Variants in NCKAP1 observed in about 807,000 individuals in gnomAD.
NCKAP1 encodes nck-associated protein 1.
Under a neutral mutation model 151.2 loss-of-function variants are expected in NCKAP1, and 21 were observed. The observed-to-expected ratio is 0.14, with a 90% CI of 0.10 to 0.20. The LOEUF is 0.20. Ranked by LOEUF, NCKAP1 falls within the 10% of genes least tolerant of loss-of-function variation. NCKAP1 has a pLI of 1.00. For missense variants in NCKAP1, 933 were observed against 1,352.1 expected (o/e 0.69, Z 4.86); for synonymous variants, 484 against 451.8 (o/e 1.07, Z -0.90).
At chr2:182,942,400 A>G (rs1196282390) in intron 23 of NCKAP1, among the ~76,000 whole-genome samples, 2 of 152,190 alleles carry the variant, frequency 1.3e-5, no homozygotes, top group Non-Finnish European at 2.9e-5. Flanking sequence ...GAAAAGCAAC[A>G]AAGGTAAGTA....
chr2:182,973,098 A>G (rs997823824), intron 15 of NCKAP1, among the ~76,000 whole-genome samples: 162 of 152,314 alleles, frequency 1.1e-3, no homozygotes, highest in African/African-American at 3.8e-3. Flanking sequence ...CCCACTACCC[A>G]GATTTGTTCA....
chr2:182,987,306 C>G (rs1396743474), intron 9 of NCKAP1, among the ~76,000 whole-genome samples: 1 of 151,998 alleles, frequency 6.6e-6, no homozygotes, highest in African/African-American at 2.4e-5. Context: ...ACTCCAACTT[C>G]TATGTTTAAG....
intron 2 of NCKAP1, among the ~76,000 whole-genome samples, chr2:183,015,042 G>C (rs757018279): frequency 8.5e-5 from 13 of 152,160 alleles, no homozygotes; most frequent in African/African-American, 1.2e-4. Flanking sequence ...ATACTTGAAG[G>C]CTATGCTATG....
intron 6 of NCKAP1, among the ~76,000 whole-genome samples, chr2:182,996,070 C>G: frequency 1.3e-5 from 2 of 152,156 alleles, no homozygotes; most frequent in East Asian, 3.9e-4. Context: ...AAGCTTAGGT[C>G]AGAAACTCAT....
chr2:182,912,842 GAGGAAGAAAGGA>G lies in NCKAP1; in HGVS notation c.*12848_*12859del, dbSNP rs908529808. The G allele has an allele frequency of 1.3e-4, 3 of 23,350 alleles. No individual in the cohort carries two copies. Among genetic ancestry groups the G allele is most frequent in the African/African-American group, 2.4e-4 (3 of 12,714 alleles). 1.4% of individuals were successfully genotyped at this position (23,350 alleles called of 1,614,324 possible). A position where few individuals can be genotyped will look rare whatever the true frequency, so the allele number is the denominator to read the frequency against. On this transcript the variant is annotated 3_prime_UTR_variant, in exon 31 of 31. Transcript: ENST00000361354. ...CAGATCTCAAAACCAAAGAAAGATA[GAGGAAGAAAGGA>G]AGGAAGGAAGGAAGGAAGGAAGGAA...
At chr2:183,000,497 T>C (rs924526741) in intron 6 of NCKAP1, among the ~76,000 whole-genome samples, 2 of 151,164 alleles carry the variant, frequency 1.3e-5, no homozygotes, top group East Asian at 2.0e-4. Context: ...AGGAGAGGAA[T>C]AGAAAAGACA....
In NCKAP1 at chr2:182,972,831, A is replaced by G. The variant is rs957777690; in HGVS notation, c.1482+4062T>C. 5.3e-5 allele frequency among the ~76,000 whole-genome samples: 8 copies of G among 152,316 alleles called. No individual in the cohort carries two copies. The East Asian group carries it at 1.5e-3, about 29-fold the overall frequency. On this transcript the variant is annotated intron_variant, in intron 15 of 30. Coordinates refer to ENST00000361354, the MANE Select transcript of NCKAP1 (RefSeq NM_013436.5). ...CAAATGTCACATGTTCTTACTCCTA[A>G]GTGGATGCTAAATAAATTGATCTCA...
chr2:182,995,599 TA>T, intron 7 of NCKAP1, 101 bp downstream of exon 7: 1 of 1,099,054 alleles, frequency 9.1e-7, no homozygotes. Flanking sequence ...CTTCAACTAA[TA>T]AGCTAATGCT....
At chr2:182,935,245 A>T in intron 25 of NCKAP1, 48 bp downstream of exon 25, 1 of 1,239,538 alleles carries the variant, frequency 8.1e-7, no homozygotes, top group Non-Finnish European at 1.1e-6. Context: ...CTGAGAAATT[A>T]AAAGGGATTG....
rs1414476327 is a variant in NCKAP1 at position 182,919,643 on chromosome 2, T to TA, written c.*6058dup. On this transcript the variant is annotated 3_prime_UTR_variant, in exon 31 of 31. Transcript: ENST00000361354. ...TCAGAATGCAAGTGCTTTTTTTTTT[T>TA]AATGTATTATAATTTTTTTTTTTTT... The TA allele has an allele frequency of 2.0e-5, 3 of 151,828 alleles. No individual in the cohort carries two copies. Among genetic ancestry groups the TA allele is most frequent in the Admixed American group, 6.6e-5 (1 of 15,250 alleles). The allele number at this position is 151,828 out of a possible 1,614,324, so 9.4% of individuals were successfully genotyped here.
intron 8 of NCKAP1, among the ~76,000 whole-genome samples, chr2:182,992,416 C>T (rs1244984851): frequency 6.6e-6 from 1 of 152,204 alleles, no homozygotes; most frequent in Admixed American, 6.5e-5. Context: ...CGGCTCATTA[C>T]ACAAACTCAT....
At chr2:182,988,572 T>C (rs1363565221) in intron 9 of NCKAP1, among the ~76,000 whole-genome samples, 1 of 152,178 alleles carries the variant, frequency 6.6e-6, no homozygotes, top group Non-Finnish European at 1.5e-5. Flanking sequence ...ATTATTTAAA[T>C]AAAAACAACA....
rs1216428587 is a variant in NCKAP1, at chr2:182,921,787, A to C, written c.*3915T>G. On this transcript the variant is annotated 3_prime_UTR_variant, in exon 31 of 31. Transcript: ENST00000361354. ...AGTCAAGGACAGCGATGTGTAGGGA[A>C]AGTTTGGTTCATGCAAAAATGAATG... 6.6e-6 allele frequency: 1 copy of C among 152,202 alleles called. No individual in the cohort carries two copies. Among genetic ancestry groups the C allele is most frequent in the African/African-American group, 2.4e-5 (1 of 41,460 alleles). The allele number at this position is 152,202 out of a possible 1,614,324, so 9.4% of individuals were successfully genotyped here. A position where few individuals can be genotyped will look rare whatever the true frequency, so the allele number is the denominator to read the frequency against.
At position 182,917,158 on chromosome 2, in the gene NCKAP1, G is replaced by A. The variant is rs1362535918; in HGVS notation, c.*8544C>T. On this transcript the variant is annotated 3_prime_UTR_variant, in exon 31 of 31. Coordinates refer to ENST00000361354, the MANE Select transcript of NCKAP1 (RefSeq NM_013436.5). ...ATGCTTACAATAGCCCTTTAAAGTAGATATTATCCACATTCTACACTTAGG... is the reference window on the plus strand; with the variant it reads ...ATGCTTACAATAGCCCTTTAAAGTAAATATTATCCACATTCTACACTTAGG... 6.6e-6 allele frequency: 1 copy of A among 152,132 alleles called. No homozygotes were observed. The highest frequency in any genetic ancestry group is 1.9e-4 in the East Asian group (1 of 5,198). 9.4% of individuals were successfully genotyped at this position (152,132 alleles called of 1,614,324 possible). A position where few individuals can be genotyped will look rare whatever the true frequency, so the allele number is the denominator to read the frequency against.
intron 1 of NCKAP1, among the ~76,000 whole-genome samples, chr2:183,029,039 C>T (rs901210720): frequency 1.3e-5 from 2 of 151,906 alleles, no homozygotes; most frequent in East Asian, 1.9e-4. Context: ...ATCGCTTGAA[C>T]CCGGAAGGCG....
chr2:182,993,532 G>C (rs1698209109), intron 8 of NCKAP1, among the ~76,000 whole-genome samples: 1 of 152,074 alleles, frequency 6.6e-6, no homozygotes, highest in Admixed American at 6.6e-5. Context: ...TGTCTCCATG[G>C]AATAGTACAC....
chr2:182,940,442 AT>A (rs998835320), intron 24 of NCKAP1, among the ~76,000 whole-genome samples: 26 of 148,628 alleles, frequency 1.7e-4, no homozygotes, highest in African/African-American at 4.2e-4. Context: ...ATACAGCTCC[AT>A]TTTTTTTTTC....
At chr2:182,942,628 C>T (rs1345883416) in intron 23 of NCKAP1, among the ~76,000 whole-genome samples, 1 of 151,736 alleles carries the variant, frequency 6.6e-6, no homozygotes. Context: ...TATGGTACCA[C>T]TTGATGGGGA....
intron 16 of NCKAP1, among the ~76,000 whole-genome samples, chr2:182,965,327 T>C (rs935444651): frequency 2.6e-5 from 4 of 151,984 alleles, no homozygotes; most frequent in African/African-American, 9.7e-5. Flanking sequence ...AATTTTATTT[T>C]TTTTTTTAAC....
Sources: allele counts gnomAD v4.1 joint callset (sites outside exome capture counted in the v4.1 genomes callset), GRCh38; gene constraint gnomAD v4.1.1; transcripts MANE v1.5; gene names NCBI Gene and HGNC (gene_info 2026-07-23, HGNC 2026-07-21).